Variants in ITPR1 observed in about 807,000 individuals in gnomAD.
The protein encoded by ITPR1 is inositol 1,4,5-trisphosphate receptor type 1, also known as inositol 1,4,5-trisphosphate-gated calcium channel ITPR1.
A neutral mutation model predicts 318.4 loss-of-function variants in ITPR1; 96 were observed. The observed-to-expected ratio is 0.30, with a 90% CI of 0.26 to 0.36. The LOEUF (loss-of-function observed/expected upper bound fraction) is 0.36, where lower values mean the gene tolerates loss of function less well. Among genes scored for constraint, ITPR1 ranks in the 10% least tolerant of loss-of-function variants. The probability of loss-of-function intolerance (pLI) is 1.00; values close to 1 mark genes in which losing one functional copy is unlikely to be tolerated. For missense variants in ITPR1, 2,440 were observed against 3,460.2 expected (o/e 0.71, Z 7.40); for synonymous variants, 1,312 against 1,289.9 (o/e 1.02, Z -0.37).
At chr3:4,697,037 TG>T (rs1171771063) in intron 33 of ITPR1, 109 bp from the exon 34 acceptor site, 66 of 865,534 alleles carry the variant, frequency 7.6e-5, no homozygotes, top group Non-Finnish European at 7.7e-5. Context: ...GACTTGGCAG[TG>T]GGGAATGGGA....
chr3:4,567,163 G>A (rs2087386330), intron 4 of ITPR1, among the ~76,000 whole-genome samples: 2 of 152,180 alleles, frequency 1.3e-5, no homozygotes, highest in African/African-American at 4.8e-5. Flanking sequence ...TCTGTAATGT[G>A]TTCAATTAGC....
intron 39 of ITPR1, among the ~76,000 whole-genome samples, chr3:4,712,775 A>G (rs1001945594): frequency 2.6e-5 from 4 of 152,208 alleles, no homozygotes; most frequent in African/African-American, 4.8e-5. Context: ...TATTAGAGCA[A>G]TGTTACTAGT....
chr3:4,789,912 C>G (rs1575258650), intron 52 of ITPR1, among the ~76,000 whole-genome samples: 1 of 152,176 alleles, frequency 6.6e-6, no homozygotes, highest in Non-Finnish European at 1.5e-5. Context: ...GCCACTGCGC[C>G]CAGCCAATCC....
intron 2 of ITPR1, among the ~76,000 whole-genome samples, chr3:4,504,833 A>G (rs180919579): frequency 2.4e-4 from 36 of 152,292 alleles, no homozygotes; most frequent in Admixed American, 2.4e-3. Context: ...ATTTACAGCC[A>G]TATTACCATA....
intron 4 of ITPR1, among the ~76,000 whole-genome samples, chr3:4,603,731 C>T (rs773984943): frequency 2.6e-5 from 4 of 152,156 alleles, no homozygotes; most frequent in Non-Finnish European, 4.4e-5. Flanking sequence ...TTTTCTTTCA[C>T]CAGTCCACTG....
Position 4,847,171 on chromosome 3 carries a change from AG to A in ITPR1, c.*947del, listed in dbSNP as rs1217423536. On this transcript the variant is annotated 3_prime_UTR_variant, in exon 62 of 62. Transcript: ENST00000649015. Reference sequence around the variant, plus strand: ...CTGAACCAACATGCTACAGTAGCTAAGAAGTATTAAAACTATATACATCCAT... The same window carrying A: ...CTGAACCAACATGCTACAGTAGCTAAAAGTATTAAAACTATATACATCCAT... The A allele has an allele frequency of 6.6e-6, 1 of 152,664 alleles. No homozygotes were observed. Among genetic ancestry groups the A allele is most frequent in the Non-Finnish European group, 1.5e-5 (1 of 68,038 alleles). The allele number at this position is 152,664 out of a possible 1,614,324, so 9.5% of individuals were successfully genotyped here. A position where few individuals can be genotyped will look rare whatever the true frequency, so the allele number is the denominator to read the frequency against.
At chr3:4,584,657 C>A (rs1471011038) in intron 4 of ITPR1, among the ~76,000 whole-genome samples, 2 of 151,884 alleles carry the variant, frequency 1.3e-5, no homozygotes, top group African/African-American at 4.8e-5. Flanking sequence ...GAGGCTGCCA[C>A]TCAGTGGGAG....
chr3:4,511,873 A>C (rs1039200512), intron 2 of ITPR1, among the ~76,000 whole-genome samples: 5 of 152,218 alleles, frequency 3.3e-5, no homozygotes, highest in African/African-American at 1.2e-4. Context: ...TTAAGGAGAA[A>C]TAATCTAGAT....
At chr3:4,724,284 C>A (rs201920199) in intron 40 of ITPR1, 1 of 152,172 alleles carries the variant, frequency 6.6e-6, no homozygotes, top group Non-Finnish European at 1.5e-5. Flanking sequence ...GGGAAATAGA[C>A]AAAAGACAGA....
intron 4 of ITPR1, among the ~76,000 whole-genome samples, chr3:4,524,605 G>A (rs2124935999): frequency 6.6e-6 from 1 of 152,294 alleles, no homozygotes; most frequent in African/African-American, 2.4e-5. Flanking sequence ...GTTTGCTCTT[G>A]CTTCCATTGT....
chr3:4,683,908 G>T, intron 28 of ITPR1, 110 bp downstream of exon 28: 1 of 1,019,618 alleles, frequency 9.8e-7, no homozygotes, highest in Non-Finnish European at 1.4e-6. Context: ...ATTTTCAAGA[G>T]ATCTGCTTGT....
intron 4 of ITPR1, among the ~76,000 whole-genome samples, chr3:4,579,408 A>T (rs879280310): frequency 6.6e-6 from 1 of 152,256 alleles, no homozygotes; most frequent in African/African-American, 2.4e-5. Flanking sequence ...TATGTATAAC[A>T]TATATTATAC....
At chr3:4,691,105 T>G in intron 31 of ITPR1, 39 bp from the exon 32 acceptor site, 1 of 1,444,240 alleles carries the variant, frequency 6.9e-7, no homozygotes, top group Non-Finnish European at 9.5e-7. Flanking sequence ...GTCAGCTTTT[T>G]GACTTGTCCC....
At chr3:4,796,248 T>C (rs1386039543) in intron 53 of ITPR1, among the ~76,000 whole-genome samples, 1 of 152,072 alleles carries the variant, frequency 6.6e-6, no homozygotes, top group Non-Finnish European at 1.5e-5. Flanking sequence ...GAAGGCACCA[T>C]CTGAATGCCC....
chr3:4,604,733 A>G (rs536436217), intron 4 of ITPR1, among the ~76,000 whole-genome samples: 5 of 152,186 alleles, frequency 3.3e-5, no homozygotes, highest in African/African-American at 9.6e-5. Flanking sequence ...GTAGTTGGGG[A>G]GGACCTGTGA....
chr3:4,816,425 A>G (rs1365025391), intron 59 of ITPR1: 1 of 152,190 alleles, frequency 6.6e-6, no homozygotes, highest in African/African-American at 2.4e-5. Flanking sequence ...GGAGGCATGT[A>G]ATGCCAGTTC....
At chr3:4,617,988 CAAA>C (rs71053433) in intron 4 of ITPR1, among the ~76,000 whole-genome samples, 6 of 131,816 alleles carry the variant, frequency 4.6e-5, no homozygotes, top group Admixed American at 7.5e-5. Context: ...GTGCGTATCT[CAAA>C]AAAAAAAAAA....
chr3:4,633,119 G>T (rs2093067626), intron 5 of ITPR1, among the ~76,000 whole-genome samples: 1 of 151,894 alleles, frequency 6.6e-6, no homozygotes, highest in South Asian at 2.1e-4. Context: ...TTTGTATTTA[G>T]TAGAGACGAG....
At chr3:4,691,028 G>T (rs1346068240) in intron 31 of ITPR1, 116 bp from the exon 32 acceptor site, 1 of 592,284 alleles carries the variant, frequency 1.7e-6, no homozygotes, top group East Asian at 2.9e-5. Context: ...ATATCTTCAT[G>T]GGTTTAAATG....
Sources: allele counts gnomAD v4.1 joint callset (sites outside exome capture counted in the v4.1 genomes callset), GRCh38; gene constraint gnomAD v4.1.1; transcripts MANE v1.5; gene names NCBI Gene and HGNC (gene_info 2026-07-23, HGNC 2026-07-21).